Variants in DNM1 observed in about 807,000 individuals in gnomAD.
DNM1 encodes the protein dynamin-1.
Under a neutral mutation model 104.6 loss-of-function variants are expected in DNM1, and 29 were observed. The ratio of observed to expected loss-of-function variants is 0.28; its 90% CI spans 0.21 to 0.38. DNM1 has a LOEUF of 0.38. Ranked by LOEUF, DNM1 falls within the 10% of genes least tolerant of loss-of-function variation. The pLI, the probability that DNM1 is intolerant of heterozygous loss-of-function variation, is 1.00. For synonymous variants in DNM1, 445 were observed against 475.8 expected (o/e 0.94, Z 0.84); for missense variants, 640 against 1,189.4 (o/e 0.54, Z 6.79).
At chr9:128,226,680 A>G (rs564838588) in intron 10 of DNM1, among the ~76,000 whole-genome samples, 9 of 152,334 alleles carry the variant, frequency 5.9e-5, no homozygotes, top group African/African-American at 2.2e-4. Flanking sequence ...AATTTGCCTG[A>G]AAGCATATTG....
In DNM1 at chr9:128,217,709, G is replaced by C. The variant is rs529858812; in HGVS notation, c.162-522G>C. On this transcript the variant is annotated intron_variant, in intron 1 of 21. Coordinates refer to ENST00000372923, the MANE Select transcript of DNM1 (RefSeq NM_004408.4). The stretch of plus-strand genomic sequence containing the variant: ...TGGGATTACAGGCGTGAGCCACCGC[G>C]CCCGGCCCATGAGTCCTTTTCCTTG... Among the ~76,000 whole-genome samples, 3 of 152,280 alleles carry C rather than the reference G, an allele frequency of 2.0e-5. No homozygotes were observed. The East Asian group carries it at 5.8e-4, about 29-fold the overall frequency.
At chr9:128,229,255 C>T (rs1167374075) in intron 10 of DNM1, among the ~76,000 whole-genome samples, 3 of 150,066 alleles carry the variant, frequency 2.0e-5, no homozygotes, top group African/African-American at 4.9e-5. Flanking sequence ...ATTAGCCAGG[C>T]GTGGCAGTAT....
Position 128,254,827 on chromosome 9 carries a change from T to G in DNM1, c.*113T>G. 1 of 861,516 alleles carries G rather than the reference T, an allele frequency of 1.2e-6. No individual in the cohort carries two copies. Among genetic ancestry groups the G allele is most frequent in the Non-Finnish European group, 1.9e-6 (1 of 532,002 alleles). The allele number at this position is 861,516 out of a possible 1,614,324, so 53.4% of individuals were successfully genotyped here. On this transcript the variant is annotated 3_prime_UTR_variant, in exon 22 of 22. Transcript: ENST00000372923. This position sits in a 1 kb window ranked among gnomAD's most constrained non-coding sequence, Gnocchi z 6.1. ...AAGCCAGCCCCCTTCATCTGTGACT[T>G]AATCTGTTGTAGTGGTGAGCTGATA...
chr9:128,232,138 T>C, intron 10 of DNM1: 1 of 439,420 alleles, frequency 2.3e-6, no homozygotes, highest in Non-Finnish European at 4.6e-6. Context: ...AGTGGGAGAA[T>C]TGGTCATGCT....
At chr9:128,239,572 G>A (rs1277893826) in intron 12 of DNM1, 57 bp downstream of exon 12, 7 of 528,148 alleles carry the variant, frequency 1.3e-5, no homozygotes, top group South Asian at 9.0e-5. Flanking sequence ...GGTAACGTGT[G>A]TGTGTGTGTG....
chr9:128,212,148 T>C (rs1423221690), intron 1 of DNM1, among the ~76,000 whole-genome samples: 1 of 152,218 alleles, frequency 6.6e-6, no homozygotes, highest in Admixed American at 6.5e-5. Context: ...GGGCACCCCC[T>C]GTTAGGTCCT....
chr9:128,225,163 C>G (rs1424704603), intron 10 of DNM1, among the ~76,000 whole-genome samples: 1 of 152,202 alleles, frequency 6.6e-6, no homozygotes, highest in Non-Finnish European at 1.5e-5. Flanking sequence ...GAAGCCACGG[C>G]TCTGGACTCC....
chr9:128,209,401 G>T (rs1834161253), intron 1 of DNM1, among the ~76,000 whole-genome samples: 1 of 152,202 alleles, frequency 6.6e-6, no homozygotes, highest in Non-Finnish European at 1.5e-5. Flanking sequence ...GGAGAGTGGA[G>T]AGGGTGGGCA....
intron 11 of DNM1, among the ~76,000 whole-genome samples, chr9:128,236,624 G>A (rs1163193610): frequency 6.6e-6 from 1 of 152,124 alleles, no homozygotes; most frequent in Non-Finnish European, 1.5e-5. Context: ...GCCTAGGTGG[G>A]AGGATTATAT....
chr9:128,232,689 C>G (rs1368367802), intron 10 of DNM1: 1 of 152,570 alleles, frequency 6.6e-6, no homozygotes, highest in East Asian at 1.9e-4. Flanking sequence ...CAGCTTTGCC[C>G]CATCGTGCTG....
intron 1 of DNM1, among the ~76,000 whole-genome samples, chr9:128,214,899 T>C (rs929980689): frequency 1.3e-5 from 2 of 152,166 alleles, no homozygotes; most frequent in African/African-American, 4.8e-5. Context: ...GGAGGCTGGA[T>C]CTAGTCTGGA....
At chr9:128,234,137 G>C (rs371843970) in intron 11 of DNM1, 30 bp downstream of exon 11, 1 of 1,496,920 alleles carries the variant, frequency 6.7e-7, no homozygotes, top group East Asian at 2.5e-5. Flanking sequence ...GCCTGGCCGC[G>C]CCTTCCTTCC....
rs535193169 is a variant in DNM1, at chr9:128,254,503, C to A, written c.2535-151C>A. ...TCCCTTCCAGCCCCTTTTCCAGGAA[C>A]CTTGCCACACCCACACCTGCAGCCT... On this transcript the variant is annotated intron_variant, in intron 21 of 21. Coordinates refer to ENST00000372923, the MANE Select transcript of DNM1 (RefSeq NM_004408.4). The surrounding 1 kb of genome is among the most constrained non-coding windows in gnomAD (Gnocchi z 6.1). 144 of 1,523,350 alleles carry A rather than the reference C, an allele frequency of 9.5e-5. 1 individual carries two copies. In the South Asian group the frequency reaches 1.6e-3, roughly 17 times the overall value. The allele number at this position is 1,523,350 out of a possible 1,614,324, so 94.4% of individuals were successfully genotyped here. A position where few individuals can be genotyped will look rare whatever the true frequency, so the allele number is the denominator to read the frequency against.
intron 1 of DNM1, among the ~76,000 whole-genome samples, chr9:128,213,489 AAGGG>A (rs928481781): frequency 1.4e-4 from 19 of 138,654 alleles, no homozygotes; most frequent in African/African-American, 3.1e-4. Context: ...GGATTGATGG[AAGGG>A]AGGGAGGGAG....
chr9:128,238,021 T>G (rs1836119066), intron 11 of DNM1, among the ~76,000 whole-genome samples: 1 of 152,168 alleles, frequency 6.6e-6, no homozygotes, highest in Non-Finnish European at 1.5e-5. Context: ...GCAATCCTCC[T>G]GCCTCGGCCT....
chr9:128,230,084 G>A (rs932716885), intron 10 of DNM1, among the ~76,000 whole-genome samples: 1 of 151,916 alleles, frequency 6.6e-6, no homozygotes. Flanking sequence ...TGGGTGTGGT[G>A]GCGGGTGCTT....
At chr9:128,226,991 C>T (rs1160812630) in intron 10 of DNM1, among the ~76,000 whole-genome samples, 1 of 149,606 alleles carries the variant, frequency 6.7e-6, no homozygotes, top group African/African-American at 2.5e-5. Context: ...TTCAAATAAG[C>T]ATCAATCATC....
chr9:128,254,595 A>C lies in DNM1; in HGVS notation c.2535-59A>C, dbSNP rs1829742826. 1 of 1,587,480 alleles carries C rather than the reference A, an allele frequency of 6.3e-7. No individual in the cohort carries two copies. The highest frequency in any genetic ancestry group is 1.1e-5 in the South Asian group (1 of 90,884). On this transcript the variant is annotated intron_variant, in intron 21 of 21. Coordinates refer to ENST00000372923, the MANE Select transcript of DNM1 (RefSeq NM_004408.4). The surrounding 1 kb of genome is among the most constrained non-coding windows in gnomAD (Gnocchi z 6.1). Reference sequence around the variant, plus strand: ...CCCGGCCGTGTGCTGCGCTTGCCTTACCAGCTCTCTCCTCGCTTTTCTCTC... The same window carrying C: ...CCCGGCCGTGTGCTGCGCTTGCCTTCCCAGCTCTCTCCTCGCTTTTCTCTC...
rs2229917 is a variant in DNM1 at position 128,218,658 on chromosome 9, G to A, written c.312G>A (p.Glu104=). 0.072 allele frequency: 116,120 copies of A among 1,613,176 alleles called. 5,489 individuals carry two copies. Among genetic ancestry groups the A allele is most frequent in the African/African-American group, 0.23 (16,964 of 74,856 alleles). ...AGGTGCGCCTTGAGATCGAGGCCGA[G>A]ACCGACAGGGTCACCGGCACCAACA... ...FEEVRLEIEA[E]TDRVTGTNKG... The change falls in exon 3 of 22, where the codon GAG becomes GAA. Residue 104 remains glutamate, a synonymous_variant. Transcript: ENST00000372923. This position sits in a 1 kb window ranked among gnomAD's most constrained non-coding sequence, Gnocchi z 4.8.
Sources: gnomAD v4.1 joint callset for allele counts (sites outside exome capture counted in the v4.1 genomes callset) on GRCh38, gnomAD v4.1.1 for gene constraint, Gnocchi (gnomAD v3.1) non-coding constraint, MANE v1.5 for transcripts, NCBI Gene and HGNC (gene_info 2026-07-23, HGNC 2026-07-21) for gene names.